The following ANKS1B variants were observed in gnomAD, a reference collection of about 807,000 sequenced individuals.
The protein encoded by ANKS1B is ankyrin repeat and sterile alpha motif domain containing 1B.
In ANKS1B, 36 loss-of-function variants were observed where a neutral mutation model predicts 148.3. That is an observed-to-expected ratio of 0.24 (90% confidence interval 0.19 to 0.32). ANKS1B has a LOEUF of 0.32. Among genes scored for constraint, ANKS1B ranks in the 10% least tolerant of loss-of-function variants. The probability of loss-of-function intolerance (pLI) is 1.00; values close to 1 mark genes in which losing one functional copy is unlikely to be tolerated. For synonymous variants in ANKS1B, 542 were observed against 560.8 expected, an observed-to-expected ratio of 0.97 and a Z score of 0.47; for missense variants, 1,157 against 1,542.6, an observed-to-expected ratio of 0.75 and a Z score of 4.19.
chr12:98,945,514 A>AAC (rs2099844000), intron 17 of ANKS1B, among the ~76,000 whole-genome samples: 4 of 134,782 alleles, frequency 3.0e-5, no homozygotes, highest in East Asian at 2.0e-4. Context: ...ACAAAAAAAA[A>AAC]AAAAAAAAAA....
chr12:99,954,489 A>T (rs1412912834), intron 1 of ANKS1B, among the ~76,000 whole-genome samples: 1 of 152,222 alleles, frequency 6.6e-6, no homozygotes, highest in African/African-American at 2.4e-5. Flanking sequence ...AAGGCTGCTG[A>T]ATCTTAGAAT....
chr12:99,865,745 T>C (rs1012598215), intron 1 of ANKS1B, among the ~76,000 whole-genome samples: 2 of 152,196 alleles, frequency 1.3e-5, no homozygotes, highest in Admixed American at 6.5e-5. Context: ...ATTTAGTTGG[T>C]CTTTATTTAC....
chr12:98,776,388 C>T (rs1206378250), intron 24 of ANKS1B, among the ~76,000 whole-genome samples: 1 of 152,234 alleles, frequency 6.6e-6, no homozygotes, highest in African/African-American at 2.4e-5. Flanking sequence ...TTTCTAAGCA[C>T]ATTTTAAGAA....
At chr12:98,834,456 A>G (rs1363018134) in intron 17 of ANKS1B, among the ~76,000 whole-genome samples, 2 of 152,228 alleles carry the variant, frequency 1.3e-5, no homozygotes, top group African/African-American at 4.8e-5. Context: ...AAAAGTATAC[A>G]CTGACTATAA....
At chr12:99,638,324 C>A (rs1453322698) in intron 9 of ANKS1B, among the ~76,000 whole-genome samples, 1 of 151,964 alleles carries the variant, frequency 6.6e-6, no homozygotes, top group African/African-American at 2.4e-5. Flanking sequence ...AAGTTTGGAG[C>A]TTCCTAGAGA....
Position 98,801,325 on chromosome 12 carries a change from G to A in ANKS1B, c.3142-200C>T, listed in dbSNP as rs2099003502. Among the ~76,000 whole-genome samples, 1 of 152,166 alleles carries A rather than the reference G, an allele frequency of 6.6e-6. No homozygotes were observed. Among genetic ancestry groups the A allele is most frequent in the African/African-American group, 2.4e-5 (1 of 41,430 alleles). ...TCAAGGCTGAGTTAATTTTTGAGGT[G>A]TGGAGTTGAATTATTCTATTTTTAG... is the stretch of plus-strand genomic sequence containing the variant. On this transcript the variant is annotated intron_variant, in intron 20 of 26. Transcript: ENST00000683438. This position sits in a 1 kb window ranked among gnomAD's most constrained non-coding sequence, Gnocchi z 5.2.
chr12:99,291,167 T>C (rs564635280), intron 12 of ANKS1B, among the ~76,000 whole-genome samples: 2 of 152,140 alleles, frequency 1.3e-5, no homozygotes, highest in South Asian at 4.1e-4. Context: ...TACTTAGGAA[T>C]AGACTTAAAG....
chr12:99,702,505 G>C lies in ANKS1B; in HGVS notation c.1129-47295C>G, dbSNP rs553460738. Reference sequence around the variant, plus strand: ...ATTCTGTGGGTCATCTATTTACTTTGTTGATTGCTTACTTTCCTATGCAGA... The same window carrying C: ...ATTCTGTGGGTCATCTATTTACTTTCTTGATTGCTTACTTTCCTATGCAGA... On this transcript the variant is annotated intron_variant, in intron 8 of 26. Transcript: ENST00000683438. 4.6e-5 allele frequency among the ~76,000 whole-genome samples: 7 copies of C among 152,086 alleles called. No homozygotes were observed. The South Asian group carries it at 1.5e-3, about 32-fold the overall frequency.
chr12:99,947,882 T>C (rs994195), intron 1 of ANKS1B, among the ~76,000 whole-genome samples: 95,344 of 152,072 alleles, frequency 0.63, 31,448 homozygotes, highest in African/African-American at 0.77. Context: ...TGCTGTTCTC[T>C]GGCCCTGCAT....
intron 1 of ANKS1B, among the ~76,000 whole-genome samples, chr12:99,896,453 T>C (rs1320622157): frequency 6.6e-6 from 1 of 151,330 alleles, no homozygotes; most frequent in East Asian, 1.9e-4. Flanking sequence ...TGAATAATAC[T>C]CCATTGTGAA....
chr12:99,078,727 A>G (rs1041921631), intron 16 of ANKS1B, among the ~76,000 whole-genome samples: 3 of 152,160 alleles, frequency 2.0e-5, no homozygotes, highest in Non-Finnish European at 4.4e-5. Context: ...GTACCTGGCC[A>G]ACTTCTAAGA....
intron 15 of ANKS1B, among the ~76,000 whole-genome samples, chr12:99,146,856 C>G (rs1181977051): frequency 3.9e-5 from 6 of 152,130 alleles, no homozygotes; most frequent in Non-Finnish European, 8.8e-5. Context: ...ATACATCTAA[C>G]TCATGAGGAG....
At chr12:99,791,164 G>T (rs1042726699) in intron 4 of ANKS1B, among the ~76,000 whole-genome samples, 1 of 151,838 alleles carries the variant, frequency 6.6e-6, no homozygotes, top group Non-Finnish European at 1.5e-5. Flanking sequence ...GATAAAAATT[G>T]TAGGAAAAGA....
intron 12 of ANKS1B, among the ~76,000 whole-genome samples, chr12:99,390,979 A>C (rs1200329908): frequency 2.0e-5 from 3 of 152,350 alleles, no homozygotes. Flanking sequence ...GGCTCTGGCC[A>C]GAATGGTCTT....
At chr12:99,653,678 CTTTTT>C (rs199988255) in intron 9 of ANKS1B, among the ~76,000 whole-genome samples, 2 of 113,584 alleles carry the variant, frequency 1.8e-5, no homozygotes. Context: ...TTCTTTCTTT[CTTTTT>C]TTTTTTTTTT....
chr12:99,807,293 G>A (rs1006877345), intron 3 of ANKS1B, among the ~76,000 whole-genome samples: 1 of 152,182 alleles, frequency 6.6e-6, no homozygotes. Context: ...ACCTAGATCA[G>A]TTCCCAGACA....
chr12:98,840,662 A>G (rs572445925), intron 17 of ANKS1B, among the ~76,000 whole-genome samples: 1 of 152,326 alleles, frequency 6.6e-6, no homozygotes, highest in African/African-American at 2.4e-5. Flanking sequence ...GTAATCAATG[A>G]GAATCTTAGG....
intron 17 of ANKS1B, among the ~76,000 whole-genome samples, chr12:98,998,191 C>T (rs1201015919): frequency 6.6e-6 from 1 of 152,140 alleles, no homozygotes; most frequent in Non-Finnish European, 1.5e-5. Flanking sequence ...ACATCTGACA[C>T]TTCATGATAA....
At chr12:98,959,696 G>C (rs930502935) in intron 17 of ANKS1B, among the ~76,000 whole-genome samples, 1 of 152,180 alleles carries the variant, frequency 6.6e-6, no homozygotes, top group African/African-American at 2.4e-5. Flanking sequence ...CCTGATTCCA[G>C]GCCTAGCTCT....
Sources: gnomAD v4.1 joint callset for allele counts (sites outside exome capture counted in the v4.1 genomes callset) on GRCh38, gnomAD v4.1.1 for gene constraint, Gnocchi (gnomAD v3.1) non-coding constraint, MANE v1.5 for transcripts, NCBI Gene and HGNC (gene_info 2026-07-23, HGNC 2026-07-21) for gene names.